Variants in ANKRD45 observed in about 807,000 individuals in gnomAD.
The protein encoded by ANKRD45 is ankyrin repeat domain 45.
A neutral mutation model predicts 28.1 loss-of-function variants in ANKRD45; 21 were observed. The observed-to-expected ratio is 0.75, with a 90% CI of 0.53 to 1.08. The LOEUF is 1.08. Ranked by LOEUF, ANKRD45 falls within the 50% of genes least tolerant of loss-of-function variation. The pLI is 0.00. For missense variants in ANKRD45, 261 were observed against 308.7 expected (o/e 0.85, Z 1.16); for synonymous variants, 86 against 103.9 (o/e 0.83, Z 1.05).
intron 3 of ANKRD45, chr1:173,635,894 A>G (rs1668416258): frequency 7.6e-7 from 1 of 1,313,422 alleles, no homozygotes; most frequent in Non-Finnish European, 1.0e-6. Context: ...CTAAGGGTTT[A>G]GAACATAATA....
At chr1:173,694,029 T>C in the ANKRD45 span, among the ~76,000 whole-genome samples, 4 of 152,200 alleles carry the variant, frequency 2.6e-5, no homozygotes, top group Non-Finnish European at 5.9e-5. Flanking sequence ...AAATAAGTTA[T>C]GGTTGGAGCG....
At chr1:173,615,542 AT>A (rs1667426957) in intron 5 of ANKRD45, among the ~76,000 whole-genome samples, 1 of 152,162 alleles carries the variant, frequency 6.6e-6, no homozygotes, top group Non-Finnish European at 1.5e-5. Flanking sequence ...TGTGAGTTCA[AT>A]GTTAACAAAA....
In ANKRD45 at chr1:173,638,525, G is replaced by GAACCAGGA. The variant is rs1433104684; in HGVS notation, c.496+8320_496+8321insTCCTGGTT. Among the ~76,000 whole-genome samples the GAACCAGGA allele has an allele frequency of 1.7e-3, 264 of 152,228 alleles. 3 individuals are homozygous for GAACCAGGA. The highest frequency in any genetic ancestry group is 0.013 in the South Asian group (64 of 4,820). On this transcript the variant is annotated intron_variant, in intron 3 of 5. Transcript: ENST00000333279. ...GAAACCTCCAGCAAGGAGCAAGGGG[G>GAACCAGGA]GTTGAAAGCTCCAGGGAAAGGGCCT...
chr1:173,620,028 C>A (rs1259035083), intron 5 of ANKRD45, among the ~76,000 whole-genome samples: 2 of 152,188 alleles, frequency 1.3e-5, no homozygotes, highest in Admixed American at 6.5e-5. Context: ...ACCCCACTGA[C>A]AATATTAAAA....
intron 1 of ANKRD45, chr1:173,669,398 C>CA (rs58611776): frequency 0.042 from 16,067 of 382,636 alleles, 1 homozygote; most frequent in South Asian, 0.06. Context: ...TTTTTTTCTT[C>CA]AAAAAAAAAA....
chr1:173,619,759 C>T lies in ANKRD45; in HGVS notation c.730+5028G>A, dbSNP rs544076779. Among the ~76,000 whole-genome samples the T allele has an allele frequency of 1.1e-3, 165 of 150,202 alleles. 1 individual carries two copies. The highest frequency in any genetic ancestry group is 2.4e-3 in the Admixed American group (36 of 15,004). On this transcript the variant is annotated intron_variant, in intron 5 of 5. Transcript: ENST00000333279. ...AGAAGAATCGCTTGAACCCAGGAGA[C>T]GAAGTTTGCAGTAAGCCGAGATTGC...
chr1:173,649,229 AC>A (rs911965723), intron 2 of ANKRD45, among the ~76,000 whole-genome samples: 1 of 152,160 alleles, frequency 6.6e-6, no homozygotes, highest in African/African-American at 2.4e-5. Flanking sequence ...TTTCCCAAAG[AC>A]ATATATCTAG....
At chr1:173,659,068 A>C (rs1331683021) in intron 2 of ANKRD45, 23 bp downstream of exon 2, 3 of 1,606,926 alleles carry the variant, frequency 1.9e-6, no homozygotes, top group Non-Finnish European at 2.6e-6. Flanking sequence ...AGTAATACTG[A>C]TGAGAGAAAA....
the ANKRD45 span, among the ~76,000 whole-genome samples, chr1:173,675,857 G>A: frequency 1.3e-5 from 2 of 151,976 alleles, no homozygotes; most frequent in African/African-American, 4.8e-5. Context: ...TTTTACATAG[G>A]CATTTAAATT....
At chr1:173,616,827 C>G (rs766133937) in intron 5 of ANKRD45, among the ~76,000 whole-genome samples, 1 of 152,138 alleles carries the variant, frequency 6.6e-6, no homozygotes, top group Non-Finnish European at 1.5e-5. Context: ...AATGAAATAT[C>G]CAGGTTCTTC....
the ANKRD45 span, among the ~76,000 whole-genome samples, chr1:173,677,124 G>A: frequency 6.6e-6 from 1 of 151,444 alleles, no homozygotes; most frequent in East Asian, 1.9e-4. Context: ...TACAAAATAG[G>A]ATCACAGGTC....
intron 1 of ANKRD45, among the ~76,000 whole-genome samples, chr1:173,665,605 C>T (rs558693488): frequency 2.6e-5 from 4 of 152,138 alleles, no homozygotes; most frequent in Non-Finnish European, 5.9e-5. Context: ...ATAATTAGGG[C>T]AGTGGTTCTC....
intron 3 of ANKRD45, among the ~76,000 whole-genome samples, chr1:173,630,493 C>T (rs1668138133): frequency 6.6e-6 from 1 of 151,982 alleles, no homozygotes; most frequent in Non-Finnish European, 1.5e-5. Context: ...AAGTTGTCAT[C>T]AGTCTAAAAT....
chr1:173,635,860 C>G (rs1320171669), intron 3 of ANKRD45: 2 of 1,492,854 alleles, frequency 1.3e-6, no homozygotes, highest in Non-Finnish European at 1.8e-6. Context: ...ATTCGTGATA[C>G]AAGTAGTAAT....
At chr1:173,684,417 G>A in the ANKRD45 span, among the ~76,000 whole-genome samples, 1 of 152,052 alleles carries the variant, frequency 6.6e-6, no homozygotes, top group Non-Finnish European at 1.5e-5. Flanking sequence ...GTAAGGTAGA[G>A]GATAGTTAAG....
intron 3 of ANKRD45, among the ~76,000 whole-genome samples, chr1:173,640,459 T>C (rs1376200553): frequency 1.3e-5 from 2 of 152,018 alleles, no homozygotes; most frequent in Admixed American, 1.3e-4. Flanking sequence ...AGAAAGCAGC[T>C]TCCTCGTCAG....
At chr1:173,688,251 T>TA in the ANKRD45 span, among the ~76,000 whole-genome samples, 1 of 152,210 alleles carries the variant, frequency 6.6e-6, no homozygotes, top group Non-Finnish European at 1.5e-5. Context: ...CCCTGGTTTT[T>TA]AAAGGAATAG....
At chr1:173,622,327 A>C (rs989724937) in intron 5 of ANKRD45, among the ~76,000 whole-genome samples, 1 of 152,206 alleles carries the variant, frequency 6.6e-6, no homozygotes, top group Non-Finnish European at 1.5e-5. Flanking sequence ...ATATGGAATA[A>C]AAAAAGAGCC....
intron 3 of ANKRD45, among the ~76,000 whole-genome samples, chr1:173,627,766 G>A (rs1030766459): frequency 6.6e-6 from 1 of 151,980 alleles, no homozygotes; most frequent in Non-Finnish European, 1.5e-5. Context: ...GACTTGGGGT[G>A]CACATCACCT....
Sources: allele counts gnomAD v4.1 joint callset (sites outside exome capture counted in the v4.1 genomes callset), GRCh38; gene constraint gnomAD v4.1.1; transcripts MANE v1.5; gene names NCBI Gene and HGNC (gene_info 2026-07-23, HGNC 2026-07-21).